Variants in CD163L1 observed in about 807,000 individuals in gnomAD.
CD163L1 encodes CD163 molecule like 1, also known as scavenger receptor cysteine-rich type 1 protein M160.
CD163L1 carries 124 observed loss-of-function variants against 165.4 expected under a neutral mutation model. That is an observed-to-expected ratio of 0.75 (90% confidence interval 0.65 to 0.87). The LOEUF (loss-of-function observed/expected upper bound fraction) is 0.87, where lower values mean the gene tolerates loss of function less well. CD163L1 is among the 40% of genes least tolerant of loss of function. CD163L1 has a pLI of 0.00. For synonymous variants in CD163L1, 585 were observed against 662.2 expected, an observed-to-expected ratio of 0.88 and a Z score of 1.79; for missense variants, 1,525 against 1,799.9, an observed-to-expected ratio of 0.85 and a Z score of 2.76.
At chr12:7,403,957 C>T in intron 5 of CD163L1, 102 bp from the exon 6 acceptor site, 1 of 792,034 alleles carries the variant, frequency 1.3e-6, no homozygotes, top group Non-Finnish European at 1.9e-6. Flanking sequence ...ATGTATCCTT[C>T]ACATACTGAG....
chr12:7,401,771 A>C (rs1947919929), intron 6 of CD163L1, among the ~76,000 whole-genome samples: 1 of 152,068 alleles, frequency 6.6e-6, no homozygotes, highest in Admixed American at 6.6e-5. Flanking sequence ...AAAAATCACA[A>C]AAGATTTGAA....
the CD163L1 span, among the ~76,000 whole-genome samples, chr12:7,334,321 C>A: frequency 6.6e-6 from 1 of 152,186 alleles, no homozygotes; most frequent in Non-Finnish European, 1.5e-5. Flanking sequence ...CCCTGGGATG[C>A]AAGGCTGGTT....
the CD163L1 span, among the ~76,000 whole-genome samples, chr12:7,331,166 G>A: frequency 2.0e-5 from 3 of 152,220 alleles, no homozygotes; most frequent in African/African-American, 4.8e-5. Flanking sequence ...AGGGTCCTAC[G>A]CCCACAGAGC....
At chr12:7,348,866 A>T (rs1345889704) in intron 4 of CD163L1, among the ~76,000 whole-genome samples, 6 of 148,952 alleles carry the variant, frequency 4.0e-5, no homozygotes, top group Non-Finnish European at 7.4e-5. Context: ...ACTTTGGAAT[A>T]CTTTTAGATT....
Position 7,374,585 on chromosome 12 carries a change from G to A in CD163L1, c.3266C>T (p.Ala1089Val). Residue 1089 changes from alanine to valine, a missense_variant, in exon 13 of 20, where the codon GCT becomes GTT. Physicochemically the swap from Ala to Val is moderately conservative, Grantham distance 64. Coordinates refer to ENST00000313599, the MANE Select transcript of CD163L1 (RefSeq NM_174941.6). The surrounding 1 kb of genome is among the most constrained non-coding windows in gnomAD (Gnocchi z 5.4). ...GGGCCCTGACCCCTCCCCAAAGTGA[G>A]CAGAGACCGTGGCATTGAAGGCCAC... ...CGVAFNATVS[A>V]HFGEGSGPIW... The A allele has an allele frequency of 6.2e-7, 1 of 1,614,214 alleles. No individual in the cohort carries two copies.
At chr12:7,439,789 A>G (rs1347465899) in intron 2 of CD163L1, 24 of 1,613,446 alleles carry the variant, frequency 1.5e-5, no homozygotes, top group Non-Finnish European at 2.0e-5. Context: ...CTCGATCTTT[A>G]TGTCCAGGAT....
At chr12:7,438,189 A>G (rs1157355241) in intron 2 of CD163L1, among the ~76,000 whole-genome samples, 1 of 152,278 alleles carries the variant, frequency 6.6e-6, no homozygotes, top group East Asian at 1.9e-4. Flanking sequence ...CCTTCTTTAA[A>G]ATGATTTCCT....
In CD163L1 at chr12:7,400,209, A is replaced by G. The variant is rs1364184565; in HGVS notation, c.1409-1625T>C. 2.0e-5 allele frequency among the ~76,000 whole-genome samples: 3 copies of G among 152,218 alleles called. No homozygotes were observed. Among genetic ancestry groups the G allele is most frequent in the Non-Finnish European group, 4.4e-5 (3 of 68,034 alleles). On this transcript the variant is annotated intron_variant, in intron 6 of 19. Coordinates refer to ENST00000313599, the MANE Select transcript of CD163L1 (RefSeq NM_174941.6). The surrounding 1 kb of genome is among the most constrained non-coding windows in gnomAD (Gnocchi z 4.1). The stretch of plus-strand genomic sequence containing the variant: ...TTTCATTTTCACAAATTACACTGCT[A>G]CGGACATCCTTACACATAAAGTTTT...
chr12:7,327,480 T>C, the CD163L1 span, among the ~76,000 whole-genome samples: 1 of 152,194 alleles, frequency 6.6e-6, no homozygotes, highest in African/African-American at 2.4e-5. Flanking sequence ...TGCCTTGAAG[T>C]ATCAAGTGAC....
chr12:7,367,170 A>G, intron 18 of CD163L1, 66 bp downstream of exon 18: 1 of 935,740 alleles, frequency 1.1e-6, no homozygotes, highest in Non-Finnish European at 1.7e-6. Context: ...GAGTTCCTAA[A>G]TATCAGCGGT....
At position 7,374,703 on chromosome 12, in the gene CD163L1, C is replaced by T. The variant is rs1204176941; in HGVS notation, c.3148G>A (p.Glu1050Lys). Reference sequence around the variant, plus strand: ...CCCCAGAAGCCGTCGTGATAGATCTCTACTCTCCCGGCACAGCGGCTGTCC... The same window carrying T: ...CCCCAGAAGCCGTCGTGATAGATCTTTACTCTCCCGGCACAGCGGCTGTCC... ...DGDSRCAGRV[E>K]IYHDGFWGTI... The change falls in exon 13 of 20, where the codon GAG becomes AAG. Residue 1050 changes from glutamate to lysine, a missense_variant. Transcript: ENST00000313599. The surrounding 1 kb of genome is among the most constrained non-coding windows in gnomAD (Gnocchi z 5.4). 2 of 1,614,200 alleles carry T rather than the reference C, an allele frequency of 1.2e-6. No homozygotes were observed. Among genetic ancestry groups the T allele is most frequent in the Non-Finnish European group, 1.7e-6 (2 of 1,180,010 alleles).
intron 4 of CD163L1, among the ~76,000 whole-genome samples, chr12:7,423,483 CAAAACTGAAA>C (rs1467710353): frequency 2.0e-5 from 3 of 151,716 alleles, no homozygotes; most frequent in Non-Finnish European, 4.4e-5. Flanking sequence ...AAGATAAGAG[CAAAACTGAAA>C]GAGACAGAGA....
chr12:7,376,342 T>C (rs1387252071), intron 9 of CD163L1, among the ~76,000 whole-genome samples: 2 of 152,194 alleles, frequency 1.3e-5, no homozygotes, highest in Admixed American at 6.5e-5. Context: ...CTTAAGAAGA[T>C]GGTGTAATAT....
intron 6 of CD163L1, among the ~76,000 whole-genome samples, chr12:7,402,674 T>G (rs1302560051): frequency 6.6e-6 from 1 of 151,930 alleles, no homozygotes; most frequent in East Asian, 1.9e-4. Context: ...CTCACTCTGT[T>G]GCCCAGGCTG....
chr12:7,343,499 T>C (rs1946650244), downstream of CD163L1, among the ~76,000 whole-genome samples: 1 of 152,082 alleles, frequency 6.6e-6, no homozygotes, highest in Admixed American at 6.5e-5. Context: ...TGATGAGGCC[T>C]CAGGAAGCTT....
At chr12:7,405,985 TGAAA>T in intron 5 of CD163L1, among the ~76,000 whole-genome samples, 1 of 152,190 alleles carries the variant, frequency 6.6e-6, no homozygotes, top group Non-Finnish European at 1.5e-5. Flanking sequence ...TGCTTGTAGT[TGAAA>T]GTTGCAAACT....
intron 18 of CD163L1, among the ~76,000 whole-genome samples, chr12:7,360,059 A>C (rs1946859998): frequency 6.6e-6 from 1 of 152,028 alleles, no homozygotes; most frequent in African/African-American, 2.4e-5. Context: ...AAATTTGTGA[A>C]GTTTTCAGCC....
At chr12:7,430,463 T>C (rs958618222) in intron 4 of CD163L1, among the ~76,000 whole-genome samples, 8 of 152,204 alleles carry the variant, frequency 5.3e-5, no homozygotes, top group African/African-American at 1.9e-4. Context: ...ATATTTTCTA[T>C]GCCTCTTCCA....
At chr12:7,366,112 T>A (rs1425785108) in intron 18 of CD163L1, among the ~76,000 whole-genome samples, 2 of 152,076 alleles carry the variant, frequency 1.3e-5, no homozygotes, top group Non-Finnish European at 2.9e-5. Flanking sequence ...ATGGTGGAAC[T>A]AGAGGTCATT....
Sources: allele counts gnomAD v4.1 joint callset (sites outside exome capture counted in the v4.1 genomes callset), GRCh38; gene constraint gnomAD v4.1.1; non-coding constraint Gnocchi (gnomAD v3.1); transcripts MANE v1.5; gene names NCBI Gene and HGNC (gene_info 2026-07-23, HGNC 2026-07-21).